CILP: variants seen among roughly 807,000 people sequenced by gnomAD.
The protein encoded by CILP is cartilage intermediate layer protein 1.
A neutral mutation model predicts 82.5 loss-of-function variants in CILP; 75 were observed. The ratio of observed to expected loss-of-function variants is 0.91; its 90% CI spans 0.75 to 1.10. The LOEUF is 1.10. Ranked by LOEUF, CILP falls within the 50% of genes least tolerant of loss-of-function variation. The probability of loss-of-function intolerance (pLI) is 0.00; values close to 1 mark genes in which losing one functional copy is unlikely to be tolerated. For missense variants in CILP, 1,479 were observed against 1,530.8 expected, an observed-to-expected ratio of 0.97 and a Z score of 0.56; for synonymous variants, 530 against 580.3, an observed-to-expected ratio of 0.91 and a Z score of 1.25.
At position 65,196,158 on chromosome 15, in the gene CILP, G is replaced by C. The variant is rs1329625015; in HGVS notation, c.*573C>G. ...GGAGATGTTCTTTCCAGACTTGGTA[G>C]AGGAACTATGATCACCCTATATTTA... On this transcript the variant is annotated 3_prime_UTR_variant, in exon 9 of 9. Coordinates refer to ENST00000261883, the MANE Select transcript of CILP (RefSeq NM_003613.4). 6.6e-6 allele frequency: 1 copy of C among 152,252 alleles called. No individual in the cohort carries two copies. Among genetic ancestry groups the C allele is most frequent in the Non-Finnish European group, 1.5e-5 (1 of 68,074 alleles). The allele number at this position is 152,252 out of a possible 1,614,324, so 9.4% of individuals were successfully genotyped here. A position where few individuals can be genotyped will look rare whatever the true frequency, so the allele number is the denominator to read the frequency against.
intron 8 of CILP, among the ~76,000 whole-genome samples, chr15:65,201,494 G>A (rs926259871): frequency 1.3e-5 from 2 of 151,986 alleles, no homozygotes; most frequent in African/African-American, 4.8e-5. Context: ...AGCACTTTGG[G>A]AGGACGAAAG....
At chr15:65,210,257 G>C (rs1163181095) in intron 1 of CILP, among the ~76,000 whole-genome samples, 1 of 152,160 alleles carries the variant, frequency 6.6e-6, no homozygotes, top group African/African-American at 2.4e-5. Context: ...CACACAGGCG[G>C]GTACATATTA....
chr15:65,205,588 A>C, intron 4 of CILP, 122 bp from the exon 5 acceptor site: 1 of 972,798 alleles, frequency 1.0e-6, no homozygotes, highest in Non-Finnish European at 1.5e-6. Flanking sequence ...CGTAGATGTC[A>C]CTGATATTTA....
intron 2 of CILP, 98 bp downstream of exon 2, chr15:65,209,597 C>A (rs2088563008): frequency 1.8e-6 from 2 of 1,130,390 alleles, no homozygotes; most frequent in Non-Finnish European, 2.7e-6. Flanking sequence ...TAAGGCCTTG[C>A]TGTGTCTTAA....
In CILP at chr15:65,205,463, G is replaced by C. The variant is rs145973133; in HGVS notation, c.428C>G (p.Ser143Cys). Reference protein sequence around the residue: ...YTVRFLCPPGSLRRDTERIWS... With the variant: ...YTVRFLCPPGCLRRDTERIWS... ...GATGCGCTCTGTGTCTCGGCGCAGG[G>C]ATCCTGCAAAGTGAGATCAGCAGAC... The change falls in exon 5 of 9, where the codon TCC (serine) becomes TGC (cysteine). Residue 143 changes from serine to cysteine, a missense_variant. Ser to Cys is a moderately radical substitution (Grantham distance 112). Transcript: ENST00000261883. The C allele has an allele frequency of 1.2e-6, 2 of 1,604,926 alleles. No individual in the cohort carries two copies.
In CILP at chr15:65,201,822, A is replaced by G. The variant is rs2088458690; in HGVS notation, c.1186+50T>C. On this transcript the variant is annotated intron_variant, in intron 8 of 8. Transcript: ENST00000261883. Reference sequence around the variant, plus strand: ...CATAGTTATGCCCACCTGGGTGCTCAGCCAACCCTGTTGCAGACCCAGGGG... The same window carrying G: ...CATAGTTATGCCCACCTGGGTGCTCGGCCAACCCTGTTGCAGACCCAGGGG... The G allele has an allele frequency of 2.9e-6, 4 of 1,390,834 alleles. No individual in the cohort carries two copies. The South Asian group carries it at 6.8e-5, about 24-fold the overall frequency. The allele number at this position is 1,390,834 out of a possible 1,614,324, so 86.2% of individuals were successfully genotyped here.
At position 65,197,012 on chromosome 15, in the gene CILP, G is replaced by T. The variant is rs760272684; in HGVS notation, c.3274C>A (p.Leu1092Ile). ...QDPRTAKEIA[L>I]GRCFDGTSDG... The stretch of plus-strand genomic sequence containing the variant: ...GATGTGCCATCAAAGCACCGGCCGA[G>T]CGCGATCTCCTTGGCCGTGCGAGGG... The change falls in exon 9 of 9, where the codon CTC becomes ATC. Residue 1092 changes from leucine to isoleucine, a missense_variant. Leu to Ile is a conservative substitution (Grantham distance 5). Transcript: ENST00000261883. 3 of 1,614,228 alleles carry T rather than the reference G, an allele frequency of 1.9e-6. No homozygotes were observed. Among genetic ancestry groups the T allele is most frequent in the Non-Finnish European group, 2.5e-6 (3 of 1,180,038 alleles).
rs756653291 is a variant in CILP at position 65,198,628 on chromosome 15, T to G, written c.1658A>C (p.Lys553Thr). The change falls in exon 9 of 9, where the codon AAA becomes ACA. Residue 553 changes from lysine (K) to threonine (T), a missense_variant. Coordinates refer to ENST00000261883, the MANE Select transcript of CILP (RefSeq NM_003613.4). ...CCCCTTCTTGTTGAAAGGTAGCACT[T>G]TGGTGGTGTTGACAAACTTCTGCAG... ...DRLQKFVNTT[K>T]VLPFNKKGSA... 3 of 1,614,090 alleles carry G rather than the reference T, an allele frequency of 1.9e-6. No individual in the cohort carries two copies. The highest frequency in any genetic ancestry group is 1.1e-5 in the South Asian group (1 of 91,086).
At position 65,196,513 on chromosome 15, in the gene CILP, C is replaced by A; in HGVS notation, c.*218G>T. On this transcript the variant is annotated 3_prime_UTR_variant, in exon 9 of 9. Coordinates refer to ENST00000261883, the MANE Select transcript of CILP (RefSeq NM_003613.4). ...TACCAGTGGCCAATTTCTTGTGTTT[C>A]ATTTAAAGAACAGTTTCACAAAGGG... 2.3e-6 allele frequency: 1 copy of A among 438,996 alleles called. No individual in the cohort carries two copies. The highest frequency in any genetic ancestry group is 4.0e-6 in the Non-Finnish European group (1 of 250,686). The allele number at this position is 438,996 out of a possible 1,614,324, so 27.2% of individuals were successfully genotyped here.
rs1238102038 is a variant in CILP at position 65,194,857 on chromosome 15, A to ACCCCCCC, written c.*1867_*1873dup. ...GTCAGCCCACCTTCCCCAGCAACCC[A>ACCCCCCC]CCCCCCCCCGACCCTCCCCCTCCCC... On this transcript the variant is annotated 3_prime_UTR_variant, in exon 9 of 9. Coordinates refer to ENST00000261883, the MANE Select transcript of CILP (RefSeq NM_003613.4). 2 of 71,032 alleles carry ACCCCCCC rather than the reference A, an allele frequency of 2.8e-5. No homozygotes were observed. The highest frequency in any genetic ancestry group is 5.7e-5 in the African/African-American group (1 of 17,696). The allele number at this position is 71,032 out of a possible 1,614,324, so 4.4% of individuals were successfully genotyped here.
In CILP at chr15:65,194,850, G is replaced by C. The variant is rs2088343277; in HGVS notation, c.*1881C>G. 1 of 136,174 alleles carries C rather than the reference G, an allele frequency of 7.3e-6. No homozygotes were observed. The highest frequency in any genetic ancestry group is 1.6e-5 in the Non-Finnish European group (1 of 62,644). 8.4% of individuals were successfully genotyped at this position (136,174 alleles called of 1,614,324 possible). On this transcript the variant is annotated 3_prime_UTR_variant, in exon 9 of 9. Transcript: ENST00000261883. Reference sequence around the variant, plus strand: ...GGAACCAGTCAGCCCACCTTCCCCAGCAACCCACCCCCCCCCGACCCTCCC... The same window carrying C: ...GGAACCAGTCAGCCCACCTTCCCCACCAACCCACCCCCCCCCGACCCTCCC...
Position 65,208,129 on chromosome 15 carries a change from C to T in CILP, c.62-365G>A, listed in dbSNP as rs566325382. On this transcript the variant is annotated intron_variant, in intron 2 of 8. Coordinates refer to ENST00000261883, the MANE Select transcript of CILP (RefSeq NM_003613.4). ...CTGAGCAGCCAGTGGCCTGGGACTC[C>T]TGCTTTGGTGTCTGCACCAAACCTT... 2.6e-5 allele frequency among the ~76,000 whole-genome samples: 4 copies of T among 152,328 alleles called. No individual in the cohort carries two copies. In the South Asian group the frequency reaches 8.3e-4, roughly 32 times the overall value.
At position 65,198,183 on chromosome 15, in the gene CILP, G is replaced by A. The variant is rs779039800; in HGVS notation, c.2103C>T (p.Leu701=). 1 of 1,614,220 alleles carries A rather than the reference G, an allele frequency of 6.2e-7. No individual in the cohort carries two copies. Among genetic ancestry groups the A allele is most frequent in the Admixed American group, 1.7e-5 (1 of 60,026 alleles). The change falls in exon 9 of 9, where the codon CTC becomes CTT. Residue 701 remains leucine, a synonymous_variant. Coordinates refer to ENST00000261883, the MANE Select transcript of CILP (RefSeq NM_003613.4). ...EHISTVKLWS[L]NPDTGLWEEE... ...CCTCCCACAGCCCTGTGTCTGGATT[G>A]AGTGACCAGAGTTTCACTGTGGATA...
intron 1 of CILP, among the ~76,000 whole-genome samples, chr15:65,210,350 C>T (rs2088572080): frequency 6.6e-6 from 1 of 152,198 alleles, no homozygotes; most frequent in Non-Finnish European, 1.5e-5. Flanking sequence ...GGACATACCA[C>T]CTCCATGAAC....
At chr15:65,206,440 G>A (rs2088518031) in intron 4 of CILP, among the ~76,000 whole-genome samples, 1 of 152,012 alleles carries the variant, frequency 6.6e-6, no homozygotes, top group African/African-American at 2.4e-5. Flanking sequence ...ATTTGTCTAG[G>A]GGACACATCA....
intron 7 of CILP, among the ~76,000 whole-genome samples, chr15:65,202,810 C>T (rs2088474391): frequency 6.7e-6 from 1 of 148,940 alleles, no homozygotes; most frequent in Admixed American, 6.7e-5. Context: ...ACCCCAAGAC[C>T]AGAGATGCTC....
chr15:65,197,556 G>C lies in CILP; in HGVS notation c.2730C>G (p.Ala910=). ...CCTCAATCTGGTAGAACCGGAAGTGGGCTGCACTGGGTGGTGCCTCTTCAC... is the reference window on the plus strand; with the variant it reads ...CCTCAATCTGGTAGAACCGGAAGTGCGCTGCACTGGGTGGTGCCTCTTCAC... ...RACEEAPPSA[A]HFRFYQIEGD... The change falls in exon 9 of 9, where the codon GCC becomes GCG. Residue 910 remains alanine (A), a synonymous_variant. Coordinates refer to ENST00000261883, the MANE Select transcript of CILP (RefSeq NM_003613.4). 6.2e-7 allele frequency: 1 copy of C among 1,614,230 alleles called. No individual in the cohort carries two copies. Among genetic ancestry groups the C allele is most frequent in the East Asian group, 2.2e-5 (1 of 44,884 alleles).
chr15:65,201,917 C>A lies in CILP; in HGVS notation c.1141G>T (p.Asp381Tyr). The A allele has an allele frequency of 1.9e-6, 3 of 1,599,072 alleles. No individual in the cohort carries two copies. Among genetic ancestry groups the A allele is most frequent in the East Asian group, 2.3e-5 (1 of 43,584 alleles). The change falls in exon 8 of 9, where the codon GAT (aspartate) becomes TAT (tyrosine). Residue 381 changes from aspartate (D) to tyrosine (Y), a missense_variant. Asp to Tyr is a radical substitution (Grantham distance 160, BLOSUM62 -3). Coordinates refer to ENST00000261883, the MANE Select transcript of CILP (RefSeq NM_003613.4). The part of the protein sequence containing the change: ...AGEYFCKAQS[D>Y]AGAVKSKVAQ... ...ACCTTGGACTTCACAGCCCCAGCAT[C>A]ACTCTGGGCCTTGCAAAAGTACTCC...
intron 8 of CILP, among the ~76,000 whole-genome samples, chr15:65,199,316 C>T (rs991298963): frequency 2.6e-5 from 4 of 152,082 alleles, no homozygotes; most frequent in African/African-American, 4.8e-5. Context: ...ACTACAGTGG[C>T]GGTTTGTCTC....
Sources: gnomAD v4.1 joint callset for allele counts (sites outside exome capture counted in the v4.1 genomes callset) on GRCh38, gnomAD v4.1.1 for gene constraint, MANE v1.5 for transcripts, NCBI Gene and HGNC (gene_info 2026-07-23, HGNC 2026-07-21) for gene names.